The following PLA2G6 variants were observed in gnomAD, a reference collection of about 807,000 sequenced individuals.
The protein encoded by PLA2G6 is phospholipase A2 group VI, also known as 85/88 kDa calcium-independent phospholipase A2.
PLA2G6 carries 62 observed loss-of-function variants against 83.8 expected under a neutral mutation model. The ratio of observed to expected loss-of-function variants is 0.74; its 90% confidence interval spans 0.60 to 0.91. The LOEUF is 0.91. Among genes scored for constraint, PLA2G6 ranks in the 40% least tolerant of loss-of-function variants. PLA2G6 has a pLI of 0.00. For missense variants in PLA2G6, 944 were observed against 1,102.0 expected, an observed-to-expected ratio of 0.86 and a Z score of 2.03; for synonymous variants, 417 against 449.8, an observed-to-expected ratio of 0.93 and a Z score of 0.92.
At chr22:38,153,167 C>T (rs2089639867) in intron 2 of PLA2G6, among the ~76,000 whole-genome samples, 1 of 152,226 alleles carries the variant, frequency 6.6e-6, no homozygotes, top group Non-Finnish European at 1.5e-5. Flanking sequence ...CGCGGTGGCT[C>T]ATGCCTGTAA....
chr22:38,180,649 T>C (rs1206388358), intron 1 of PLA2G6, among the ~76,000 whole-genome samples: 2 of 152,314 alleles, frequency 1.3e-5, no homozygotes, highest in East Asian at 1.9e-4. Context: ...CCTTTCCCTT[T>C]CCACTCCTTT....
chr22:38,133,194 C>T lies in PLA2G6; in HGVS notation c.895-181G>A, dbSNP rs549162016. 22 of 618,112 alleles carry T rather than the reference C, an allele frequency of 3.6e-5. No individual in the cohort carries two copies. In the East Asian group the frequency reaches 6.1e-4, roughly 17 times the overall value. 38.3% of individuals were successfully genotyped at this position (618,112 alleles called of 1,614,324 possible). On this transcript the variant is annotated intron_variant, in intron 6 of 16. Transcript: ENST00000332509. ...AGGGGGGCCTAGACTGCCTCCCATCCCATCAGCATCCCAAGACTAGGGACA... is the reference window on the plus strand; with the variant it reads ...AGGGGGGCCTAGACTGCCTCCCATCTCATCAGCATCCCAAGACTAGGGACA...
chr22:38,167,482 C>G (rs746023951), intron 2 of PLA2G6, among the ~76,000 whole-genome samples: 1 of 152,130 alleles, frequency 6.6e-6, no homozygotes, highest in Non-Finnish European at 1.5e-5. Flanking sequence ...GTGGGGCTGT[C>G]CAGCTCTCCA....
intron 1 of PLA2G6, among the ~76,000 whole-genome samples, chr22:38,177,873 A>G (rs1405102474): frequency 6.6e-6 from 1 of 152,200 alleles, no homozygotes; most frequent in Non-Finnish European, 1.5e-5. Context: ...TCTGAACCCA[A>G]TTAGGTGGAA....
rs373223395 is a variant in PLA2G6, at chr22:38,127,401, C to T, written c.1348+868G>A. The T allele has an allele frequency of 4.0e-4, 534 of 1,318,868 alleles. No individual in the cohort carries two copies. The African/African-American group carries it at 7.2e-3, about 18-fold the overall frequency. The allele number at this position is 1,318,868 out of a possible 1,614,324, so 81.7% of individuals were successfully genotyped here. A position where few individuals can be genotyped will look rare whatever the true frequency, so the allele number is the denominator to read the frequency against. On this transcript the variant is annotated intron_variant, in intron 9 of 16. Coordinates refer to ENST00000332509, the MANE Select transcript of PLA2G6 (RefSeq NM_003560.4). ...CTCGGTGGCCTCTCCAGGCCCAGGG[C>T]GTTACCCATCTGACGCCGCACCCCA...
chr22:38,112,496 G>A lies in PLA2G6; in HGVS notation c.2276+8C>T. ...CGGGGCCAAGGGCTGGGGCGGCTGA[G>A]CCCTCACCTGAAGTACTGGATGCCG... On this transcript the variant is annotated splice_region_variant and intron_variant, in intron 16 of 16. Transcript: ENST00000332509. The A allele has an allele frequency of 6.4e-7, 1 of 1,552,016 alleles. No individual in the cohort carries two copies. Among genetic ancestry groups the A allele is most frequent in the Non-Finnish European group, 8.7e-7 (1 of 1,148,458 alleles).
intron 13 of PLA2G6, 28 bp downstream of exon 13, chr22:38,116,047 C>T (rs2087174036): frequency 1.2e-6 from 2 of 1,612,302 alleles, no homozygotes; most frequent in Non-Finnish European, 1.7e-6. Context: ...CAGTCGCTTC[C>T]CATGGATGCA....
rs2087616675 is a variant in PLA2G6, at chr22:38,123,081, G to A, written c.1591+14C>T. ...TCAGCCCCGCCTGGCCCCATCCCCA[G>A]GGGCCGCCCTCACTGTGCAGAATGG... On this transcript the variant is annotated intron_variant, in intron 11 of 16. Coordinates refer to ENST00000332509, the MANE Select transcript of PLA2G6 (RefSeq NM_003560.4). The surrounding 1 kb of genome is among the most constrained non-coding windows in gnomAD (Gnocchi z 4.1). The A allele has an allele frequency of 6.5e-7, 1 of 1,547,344 alleles. No homozygotes were observed. The highest frequency in any genetic ancestry group is 1.4e-5 in the African/African-American group (1 of 73,108).
chr22:38,164,977 C>A (rs2090160478), intron 2 of PLA2G6, among the ~76,000 whole-genome samples: 2 of 152,092 alleles, frequency 1.3e-5, no homozygotes, highest in Admixed American at 1.3e-4. Context: ...CCTCCACAGC[C>A]TCGACCCCAC....
chr22:38,165,412 G>C (rs2090175532), intron 2 of PLA2G6, among the ~76,000 whole-genome samples: 1 of 152,230 alleles, frequency 6.6e-6, no homozygotes, highest in South Asian at 2.1e-4. Flanking sequence ...CTGCAGGTCA[G>C]GGGAGGGCAA....
chr22:38,177,026 C>T (rs965350305), intron 1 of PLA2G6, among the ~76,000 whole-genome samples: 1 of 131,900 alleles, frequency 7.6e-6, no homozygotes, highest in East Asian at 2.1e-4. Flanking sequence ...GCTTGGATGA[C>T]AAAGTGAGAC....
rs1217381849 is a variant in PLA2G6, at chr22:38,132,619, C to T, written c.1077+212G>A. 1 of 595,744 alleles carries T rather than the reference C, an allele frequency of 1.7e-6. No homozygotes were observed. Among genetic ancestry groups the T allele is most frequent in the African/African-American group, 1.9e-5 (1 of 53,804 alleles). The allele number at this position is 595,744 out of a possible 1,614,324, so 36.9% of individuals were successfully genotyped here. On this transcript the variant is annotated intron_variant, in intron 7 of 16. Coordinates refer to ENST00000332509, the MANE Select transcript of PLA2G6 (RefSeq NM_003560.4). This position sits in a 1 kb window ranked among gnomAD's most constrained non-coding sequence, Gnocchi z 5.0. ...GGCACAGGTGGAAAAGGTACCACAG[C>T]ACACAGGAGGTGGTGTTATTTTGGG...
intron 2 of PLA2G6, chr22:38,146,767 TTTTTCTTTTCTTTTC>T (rs201905296): frequency 7.0e-6 from 1 of 143,550 alleles, no homozygotes; most frequent in East Asian, 2.0e-4. Context: ...GAAACTTTTC[TTTTTCTTTTCTTTTC>T]TTTTTTTTTT....
At chr22:38,172,849 G>A (rs898974621) in intron 1 of PLA2G6, among the ~76,000 whole-genome samples, 1 of 152,228 alleles carries the variant, frequency 6.6e-6, no homozygotes, top group African/African-American at 2.4e-5. Flanking sequence ...CCCCCCACCA[G>A]AGCCTGGGGC....
chr22:38,113,689 C>A (rs758356963), intron 14 of PLA2G6, 35 bp from the exon 15 acceptor site: 2 of 1,606,864 alleles, frequency 1.2e-6, no homozygotes, highest in Non-Finnish European at 1.7e-6. Flanking sequence ...TCAGAAGAGA[C>A]CTTCCACAGG....
At chr22:38,148,643 G>A (rs1367098249) in intron 2 of PLA2G6, 10 of 690,526 alleles carry the variant, frequency 1.4e-5, no homozygotes, top group Non-Finnish European at 2.7e-5. Flanking sequence ...GGAGAGCCCT[G>A]ATGAACATCT....
intron 2 of PLA2G6, among the ~76,000 whole-genome samples, chr22:38,152,968 G>GA (rs112507836): frequency 6.8e-5 from 10 of 147,396 alleles, no homozygotes; most frequent in South Asian, 2.1e-4. Context: ...CTCCTGCGGG[G>GA]AAAAAAAAAA....
rs562098835 is a variant in PLA2G6, at chr22:38,125,865, G to A, written c.1427+506C>T. 3.3e-5 allele frequency among the ~76,000 whole-genome samples: 5 copies of A among 152,330 alleles called. No individual in the cohort carries two copies. The East Asian group carries it at 5.8e-4, about 18-fold the overall frequency. On this transcript the variant is annotated intron_variant, in intron 10 of 16. Transcript: ENST00000332509. The stretch of plus-strand genomic sequence containing the variant: ...CAGCTGGCACTGAGTTCAAGCACCC[G>A]GGATTATGCCTGAAGGGCAAGGCCT...
chr22:38,115,847 G>A (rs1423082390), intron 13 of PLA2G6, 166 bp from the exon 14 acceptor site: 20 of 1,474,414 alleles, frequency 1.4e-5, no homozygotes, highest in Non-Finnish European at 1.6e-5. Context: ...TGGCTAGTTC[G>A]TCCTGGTGGA....
Sources: allele counts gnomAD v4.1 joint callset (sites outside exome capture counted in the v4.1 genomes callset), GRCh38; gene constraint gnomAD v4.1.1; non-coding constraint Gnocchi (gnomAD v3.1); transcripts MANE v1.5; gene names NCBI Gene and HGNC (gene_info 2026-07-23, HGNC 2026-07-21).